PCDHA4: variants seen among roughly 807,000 people sequenced by gnomAD.
The protein encoded by PCDHA4 is protocadherin alpha-4.
A neutral mutation model predicts 61.4 loss-of-function variants in PCDHA4; 49 were observed. That is an observed-to-expected ratio of 0.80 (90% CI 0.63 to 1.01). The LOEUF (loss-of-function observed/expected upper bound fraction) is 1.01, where lower values mean the gene tolerates loss of function less well. PCDHA4 is among the 50% of genes least tolerant of loss of function. PCDHA4 has a pLI of 0.00. For synonymous variants in PCDHA4, 590 were observed against 550.3 expected, an observed-to-expected ratio of 1.07 and a Z score of -1.01; for missense variants, 1,254 against 1,235.8, an observed-to-expected ratio of 1.01 and a Z score of -0.22.
intron 1 of PCDHA4, chr5:140,857,881 G>T: frequency 6.3e-7 from 1 of 1,597,760 alleles, no homozygotes; most frequent in Non-Finnish European, 8.6e-7. Context: ...ATGAATTGCA[G>T]TCGGCGGCGG....
intron 1 of PCDHA4, chr5:140,854,171 A>AAAAAC (rs2043016661): frequency 1.5e-5 from 10 of 677,894 alleles, no homozygotes; most frequent in Non-Finnish European, 1.8e-5. Context: ...AAAAAAAAAA[A>AAAAAC]AAAAAGAGTA....
Position 140,823,664 on chromosome 5 carries a change from T to A in PCDHA4, c.2385+14092T>A, listed in dbSNP as rs2150128054. On this transcript the variant is annotated intron_variant, in intron 1 of 3. Coordinates refer to ENST00000530339, the MANE Select transcript of PCDHA4 (RefSeq NM_018907.4). ...CGCGTGGGGCTGTACACAGGCGAGA[T>A]CAGCACAACACGCTCTCTGGATGAG... 16 of 1,613,856 alleles carry A rather than the reference T, an allele frequency of 9.9e-6. No individual in the cohort carries two copies. Among genetic ancestry groups the A allele is most frequent in the Middle Eastern group, 3.3e-4 (2 of 6,084 alleles).
At chr5:140,832,436 T>G in intron 1 of PCDHA4, among the ~76,000 whole-genome samples, 1 of 152,222 alleles carries the variant, frequency 6.6e-6, no homozygotes, top group South Asian at 2.1e-4. Context: ...TGATAATTTT[T>G]AAGCGTGTAA....
intron 1 of PCDHA4, among the ~76,000 whole-genome samples, chr5:140,894,553 T>G (rs2064537673): frequency 6.6e-6 from 1 of 152,008 alleles, no homozygotes; most frequent in South Asian, 2.1e-4. Flanking sequence ...TGTTTACTTC[T>G]GAAAAAATTA....
chr5:140,877,458 G>T lies in PCDHA4; in HGVS notation c.2385+67886G>T, dbSNP rs200155876. 8.2e-5 allele frequency: 133 copies of T among 1,613,696 alleles called. 1 individual carries two copies. The highest frequency in any genetic ancestry group is 2.5e-5 in the Non-Finnish European group (30 of 1,179,864). ...ACGGTGAGCCCGCGCTGACGTCCAC[G>T]GCCACGGTGCTGGTGTCGCTGGTGG... On this transcript the variant is annotated intron_variant, in intron 1 of 3. Transcript: ENST00000530339.
At chr5:140,995,924 G>A (rs998405229) in intron 3 of PCDHA4, among the ~76,000 whole-genome samples, 16 of 152,308 alleles carry the variant, frequency 1.1e-4, no homozygotes, top group African/African-American at 3.8e-4. Flanking sequence ...ATAGGCTGTT[G>A]TAAGTATTAA....
rs782014250 is a variant in PCDHA4, at chr5:140,883,952, G to T, written c.2385+74380G>T. On this transcript the variant is annotated intron_variant, in intron 1 of 3. Transcript: ENST00000530339. The stretch of plus-strand genomic sequence containing the variant: ...GTTCGTGCTGGACGAGAACGACAAC[G>T]CTCCGGCGCTGCTGACGCCCGGGGC... 2.0e-5 allele frequency: 32 copies of T among 1,613,030 alleles called. No individual in the cohort carries two copies. The highest frequency in any genetic ancestry group is 2.6e-5 in the Non-Finnish European group (31 of 1,179,806).
intron 1 of PCDHA4, chr5:140,968,910 T>G (rs782307931): frequency 1.9e-6 from 3 of 1,613,974 alleles, no homozygotes; most frequent in Non-Finnish European, 2.5e-6. Flanking sequence ...TTAAGCACAG[T>G]GTCTTTTATA....
rs367948106 is a variant in PCDHA4 at position 140,876,049 on chromosome 5, G to A, written c.2385+66477G>A. On this transcript the variant is annotated intron_variant, in intron 1 of 3. Coordinates refer to ENST00000530339, the MANE Select transcript of PCDHA4 (RefSeq NM_018907.4). Reference sequence around the variant, plus strand: ...AAAAAAAGATAAAAGTATATTGCCTGAATTAGTTCTTCGGAAGTTATTGGA... The same window carrying A: ...AAAAAAAGATAAAAGTATATTGCCTAAATTAGTTCTTCGGAAGTTATTGGA... The A allele has an allele frequency of 3.6e-4, 586 of 1,613,784 alleles. No individual in the cohort carries two copies. The highest frequency in any genetic ancestry group is 4.9e-4 in the Non-Finnish European group (575 of 1,179,896).
At position 140,923,111 on chromosome 5, in the gene PCDHA4, G is replaced by T. The variant is rs192696214; in HGVS notation, c.2386-55838G>T. Among the ~76,000 whole-genome samples, 53 of 152,266 alleles carry T rather than the reference G, an allele frequency of 3.5e-4. No individual in the cohort carries two copies. In the East Asian group the frequency reaches 8.9e-3, roughly 25 times the overall value. ...TTGACCAATGGGAGTATGATTTTAA[G>T]TTTTTAGGGTCACACTTTGAAGGTG... On this transcript the variant is annotated intron_variant, in intron 1 of 3. Coordinates refer to ENST00000530339, the MANE Select transcript of PCDHA4 (RefSeq NM_018907.4).
At chr5:140,849,666 C>T (rs2041028520) in intron 1 of PCDHA4, 2 of 1,598,568 alleles carry the variant, frequency 1.3e-6, no homozygotes, top group African/African-American at 1.3e-5. Context: ...CTCCCTGACG[C>T]CCCACGTCCC....
At chr5:140,966,185 GA>G (rs1378285647) in intron 1 of PCDHA4, 4 of 197,798 alleles carry the variant, frequency 2.0e-5, no homozygotes, top group Non-Finnish European at 4.0e-5. Context: ...CTGATAGCCA[GA>G]CTTCTAGGGG....
At chr5:140,843,626 C>G (rs1779006743) in intron 1 of PCDHA4, 2 of 1,596,058 alleles carry the variant, frequency 1.3e-6, no homozygotes, top group East Asian at 4.5e-5. Context: ...GAAGACGGAC[C>G]TCATGGCCTT....
chr5:140,960,713 ATCTTATTTTAGT>A (rs2095563566), intron 1 of PCDHA4, among the ~76,000 whole-genome samples: 3 of 150,862 alleles, frequency 2.0e-5, no homozygotes, highest in Non-Finnish European at 4.4e-5. Flanking sequence ...CCAAATACTC[ATCTTATTTTAGT>A]CCATGATTTT....
At chr5:140,843,004 C>A (rs782142006) in intron 1 of PCDHA4, 1 of 1,595,032 alleles carries the variant, frequency 6.3e-7, no homozygotes, top group African/African-American at 1.3e-5. Flanking sequence ...AGAATGACAA[C>A]GCGCCGGCAC....
Position 140,857,721 on chromosome 5 carries a change from AC to A in PCDHA4, c.2385+48150del, listed in dbSNP as rs1554150568. ...CTGCAGGTGTTCGTGCTGGACGAGA[AC>A]GACAACGCTCCCGCGCTGCTGGCGT... On this transcript the variant is annotated intron_variant, in intron 1 of 3. Transcript: ENST00000530339. 4.4e-6 allele frequency: 7 copies of A among 1,597,360 alleles called. 1 individual carries two copies. In the Admixed American group the frequency reaches 1.0e-4, roughly 23 times the overall value.
intron 1 of PCDHA4, chr5:140,834,522 C>G: frequency 6.2e-7 from 1 of 1,614,068 alleles, no homozygotes; most frequent in Non-Finnish European, 8.5e-7. Context: ...CTTCGTGGGC[C>G]GCATCGCGCA....
At chr5:140,826,255 T>A (rs1554130509) in intron 1 of PCDHA4, among the ~76,000 whole-genome samples, 2 of 152,222 alleles carry the variant, frequency 1.3e-5, no homozygotes, top group African/African-American at 4.8e-5. Flanking sequence ...TCTTTATATA[T>A]CAAGTCTTTA....
intron 1 of PCDHA4, among the ~76,000 whole-genome samples, chr5:140,973,646 A>C (rs1413605589): frequency 1.3e-5 from 2 of 152,216 alleles, no homozygotes; most frequent in African/African-American, 4.8e-5. Flanking sequence ...TTCTGACTGA[A>C]GAAGAAATCT....
Sources: gnomAD v4.1 joint callset for allele counts (sites outside exome capture counted in the v4.1 genomes callset) on GRCh38, gnomAD v4.1.1 for gene constraint, MANE v1.5 for transcripts, NCBI Gene and HGNC (gene_info 2026-07-23, HGNC 2026-07-21) for gene names.